PGM5: variants seen among roughly 807,000 people sequenced by gnomAD.
The protein encoded by PGM5 is phosphoglucomutase 5.
In PGM5, 23 loss-of-function variants were observed where a neutral mutation model predicts 59.2. That is an observed-to-expected ratio of 0.39 (90% CI 0.28 to 0.55). The LOEUF is 0.55. PGM5 is among the 20% of genes least tolerant of loss of function. The pLI, the probability that PGM5 is intolerant of heterozygous loss-of-function variation, is 0.66. For missense variants in PGM5, 574 were observed against 748.3 expected, an observed-to-expected ratio of 0.77 and a Z score of 2.72; for synonymous variants, 214 against 286.0, an observed-to-expected ratio of 0.75 and a Z score of 2.54.
At chr9:68,479,838 G>A (rs939423843) in intron 8 of PGM5, among the ~76,000 whole-genome samples, 3 of 151,140 alleles carry the variant, frequency 2.0e-5, no homozygotes, top group Admixed American at 6.6e-5. Context: ...GGAGGCTGAG[G>A]CAGGAGAATG....
chr9:68,427,173 C>T (rs1202539182), intron 6 of PGM5, among the ~76,000 whole-genome samples: 1 of 152,184 alleles, frequency 6.6e-6, no homozygotes, highest in African/African-American at 2.4e-5. Flanking sequence ...AGAGCTTAGT[C>T]TTGAATCTGA....
chr9:68,492,894 C>T (rs782551924), intron 9 of PGM5, among the ~76,000 whole-genome samples: 1 of 152,150 alleles, frequency 6.6e-6, no homozygotes, highest in Non-Finnish European at 1.5e-5. Context: ...TCAGATGTTA[C>T]GAAGCAGTAT....
intron 6 of PGM5, among the ~76,000 whole-genome samples, chr9:68,444,323 T>C (rs1823576988): frequency 6.6e-6 from 1 of 152,146 alleles, no homozygotes; most frequent in Non-Finnish European, 1.5e-5. Context: ...TCTCTTTCCA[T>C]AGGATTCAGT....
At chr9:68,486,276 T>A (rs1824294380) in intron 9 of PGM5, among the ~76,000 whole-genome samples, 1 of 152,190 alleles carries the variant, frequency 6.6e-6, no homozygotes, top group African/African-American at 2.4e-5. Context: ...TCTTTATTGA[T>A]ATATAATTCA....
In PGM5 at chr9:68,384,535, C is replaced by G. The variant is rs781978296; in HGVS notation, c.562C>G (p.Pro188Ala). ...ATTTGACCTAGAAAACAAATTCAAA[C>G]CATTCAGAGGTAACAGAGATTTTAT... The part of the protein sequence containing the change: ...QEFDLENKFK[P>A]FRVEIVDPVD... Residue 188 changes from proline to alanine, a missense_variant, in exon 3 of 11, where the codon CCA becomes GCA. By Grantham distance (27) the Pro-to-Ala change is conservative (BLOSUM62 -1). Coordinates refer to ENST00000396396, the MANE Select transcript of PGM5 (RefSeq NM_021965.4). 5.0e-6 allele frequency: 8 copies of G among 1,608,782 alleles called. No individual in the cohort carries two copies. The highest frequency in any genetic ancestry group is 6.8e-6 in the Non-Finnish European group (8 of 1,176,314).
chr9:68,432,247 T>C (rs1823362724), intron 6 of PGM5, among the ~76,000 whole-genome samples: 1 of 152,080 alleles, frequency 6.6e-6, no homozygotes, highest in South Asian at 2.1e-4. Context: ...TTGCCCAGGC[T>C]GGAGTGTAGT....
chr9:68,433,958 A>G (rs1554683207), intron 6 of PGM5, among the ~76,000 whole-genome samples: 2 of 152,230 alleles, frequency 1.3e-5, no homozygotes, highest in Non-Finnish European at 2.9e-5. Flanking sequence ...ACTATCCTGT[A>G]TAAAACATCC....
intron 7 of PGM5, among the ~76,000 whole-genome samples, chr9:68,472,893 T>C (rs1824044496): frequency 1.3e-5 from 2 of 152,262 alleles, no homozygotes; most frequent in South Asian, 4.1e-4. Context: ...TTTGCTGCTG[T>C]CTGACTCTTC....
intron 1 of PGM5, among the ~76,000 whole-genome samples, chr9:68,366,715 A>G (rs1210242655): frequency 6.6e-6 from 1 of 152,176 alleles, no homozygotes; most frequent in East Asian, 1.9e-4. Flanking sequence ...ACCATGGGGA[A>G]GTCGCCTAGC....
intron 6 of PGM5, among the ~76,000 whole-genome samples, chr9:68,413,496 A>G (rs1348063862): frequency 6.6e-6 from 1 of 152,216 alleles, no homozygotes; most frequent in African/African-American, 2.4e-5. Context: ...GCTAACTTTC[A>G]GAATCACTTA....
chr9:68,369,271 C>T (rs191806734), intron 1 of PGM5, among the ~76,000 whole-genome samples: 4 of 152,198 alleles, frequency 2.6e-5, no homozygotes, highest in South Asian at 2.1e-4. Flanking sequence ...TGGGATCTTG[C>T]GCAAAGTCAC....
intron 10 of PGM5, among the ~76,000 whole-genome samples, chr9:68,528,760 C>T (rs1825030302): frequency 6.6e-6 from 1 of 152,164 alleles, no homozygotes; most frequent in Non-Finnish European, 1.5e-5. Context: ...AGAGTTTCTC[C>T]TTGATGAAAT....
In PGM5 at chr9:68,410,564, G is replaced by T. The variant is rs574411930; in HGVS notation, c.1043+18091G>T. Among the ~76,000 whole-genome samples the T allele has an allele frequency of 9.0e-3, 1,358 of 150,804 alleles. 16 individuals carry two copies. The highest frequency in any genetic ancestry group is 0.03 in the African/African-American group (1,236 of 40,644). Reference sequence around the variant, plus strand: ...ATGGTGATGAGGATGATGATGAGGAGGAGGAGGAGGAGGAGGAGAGGAGGA... The same window carrying T: ...ATGGTGATGAGGATGATGATGAGGATGAGGAGGAGGAGGAGGAGAGGAGGA... On this transcript the variant is annotated intron_variant, in intron 6 of 10. Coordinates refer to ENST00000396396, the MANE Select transcript of PGM5 (RefSeq NM_021965.4).
intron 2 of PGM5, among the ~76,000 whole-genome samples, chr9:68,382,757 G>T (rs1206336662): frequency 2.6e-5 from 4 of 151,766 alleles, no homozygotes; most frequent in African/African-American, 9.7e-5. Context: ...AATTGAAAAG[G>T]AATTCAGAAG....
chr9:68,357,312 T>C lies in PGM5; in HGVS notation c.185T>C (p.Met62Thr), dbSNP rs1834473152. ...CTGCGCGACCGTCAGGGCTGCACCATGGTGGTGGGCAGCGACGGCAGGTAC... is the reference window on the plus strand; with the variant it reads ...CTGCGCGACCGTCAGGGCTGCACCACGGTGGTGGGCAGCGACGGCAGGTAC... ...IDLRDRQGCTMVVGSDGRYFS... is the reference protein window; with the variant it reads ...IDLRDRQGCTTVVGSDGRYFS... Residue 62 changes from methionine (M) to threonine (T), a missense_variant, in exon 1 of 11, where the codon ATG becomes ACG. Physicochemically the swap from Met to Thr is moderately conservative, Grantham distance 81. Transcript: ENST00000396396. 36 of 1,550,738 alleles carry C rather than the reference T, an allele frequency of 2.3e-5. No individual in the cohort carries two copies. Among genetic ancestry groups the C allele is most frequent in the Middle Eastern group, 2.3e-4 (1 of 4,360 alleles).
chr9:68,455,383 C>T (rs1823758024), intron 6 of PGM5, among the ~76,000 whole-genome samples: 1 of 151,728 alleles, frequency 6.6e-6, no homozygotes, highest in Non-Finnish European at 1.5e-5. Context: ...TAAAGAGAGC[C>T]AAAAATAAGA....
intron 2 of PGM5, among the ~76,000 whole-genome samples, chr9:68,380,494 G>C (rs768964597): frequency 6.6e-6 from 1 of 151,488 alleles, no homozygotes; most frequent in African/African-American, 2.4e-5. Flanking sequence ...CATTAAAAAA[G>C]GAAAAAGATC....
Position 68,395,643 on chromosome 9 carries a change from G to T in PGM5, c.1043+3170G>T, listed in dbSNP as rs570505261. On this transcript the variant is annotated intron_variant, in intron 6 of 10. Coordinates refer to ENST00000396396, the MANE Select transcript of PGM5 (RefSeq NM_021965.4). ...TGTATTTCATAATTTTTAATGTAGA[G>T]ATCTTATACAATTTTTGTTAAATTT... The T allele has an allele frequency of 3.9e-5, 6 of 152,198 alleles. No individual in the cohort carries two copies. The East Asian group carries it at 1.2e-3, about 29-fold the overall frequency. The allele number at this position is 152,198 out of a possible 1,614,324, so 9.4% of individuals were successfully genotyped here. A position where few individuals can be genotyped will look rare whatever the true frequency, so the allele number is the denominator to read the frequency against.
At chr9:68,480,531 T>G (rs891362544) in intron 8 of PGM5, among the ~76,000 whole-genome samples, 2 of 151,862 alleles carry the variant, frequency 1.3e-5, no homozygotes, top group Non-Finnish European at 2.9e-5. Context: ...ATGGTGAAAC[T>G]CTGTCTCTAC....
Sources: gnomAD v4.1 joint callset for allele counts (sites outside exome capture counted in the v4.1 genomes callset) on GRCh38, gnomAD v4.1.1 for gene constraint, MANE v1.5 for transcripts, NCBI Gene and HGNC (gene_info 2026-07-23, HGNC 2026-07-21) for gene names.